PPP2R2C: variants seen among roughly 807,000 people sequenced by gnomAD.
PPP2R2C encodes protein phosphatase 2, regulatory subunit B, gamma.
A neutral mutation model predicts 45.3 loss-of-function variants in PPP2R2C; 10 were observed. The ratio of observed to expected loss-of-function variants is 0.22; its 90% CI spans 0.14 to 0.37. The LOEUF (loss-of-function observed/expected upper bound fraction) is 0.37, where lower values mean the gene tolerates loss of function less well. PPP2R2C is among the 10% of genes least tolerant of loss of function. The pLI, the probability that PPP2R2C is intolerant of heterozygous loss-of-function variation, is 1.00. For missense variants in PPP2R2C, 308 were observed against 619.7 expected (o/e 0.50, Z 5.34); for synonymous variants, 257 against 245.4 (o/e 1.05, Z -0.44).
intron 5 of PPP2R2C, among the ~76,000 whole-genome samples, chr4:6,359,624 T>TA (rs34585147): frequency 0.61 from 88,027 of 143,940 alleles, 27,257 homozygotes; most frequent in South Asian, 0.72. Context: ...ATTTCACCTG[T>TA]AAAAAAAAAA....
At position 6,391,597 on chromosome 4, in the gene PPP2R2C, C is replaced by T. The variant is rs187255606; in HGVS notation, c.71-10503G>A. ...CCATGGAAAAAGGATTCCATGATCC[C>T]GGCCTCCACCCCAAGAGCACCAGGT... On this transcript the variant is annotated intron_variant, in intron 1 of 8. Coordinates refer to ENST00000382599, the MANE Select transcript of PPP2R2C (RefSeq NM_020416.4). 5.9e-5 allele frequency among the ~76,000 whole-genome samples: 9 copies of T among 152,350 alleles called. No individual in the cohort carries two copies. The East Asian group carries it at 1.2e-3, about 20-fold the overall frequency.
intron 1 of PPP2R2C, among the ~76,000 whole-genome samples, chr4:6,560,401 G>A (rs1725537193): frequency 6.6e-6 from 1 of 152,244 alleles, no homozygotes; most frequent in Admixed American, 6.5e-5. Flanking sequence ...TTGAGAGGTG[G>A]TGGGGTAGAG....
chr4:6,406,546 A>G (rs1021838320), intron 1 of PPP2R2C, among the ~76,000 whole-genome samples: 1 of 152,078 alleles, frequency 6.6e-6, no homozygotes, highest in African/African-American at 2.4e-5. Flanking sequence ...CCTGGGCAAC[A>G]TTTTATCTAA....
At chr4:6,525,505 A>AG (rs901531138) in intron 2 of PPP2R2C, among the ~76,000 whole-genome samples, 4 of 151,850 alleles carry the variant, frequency 2.6e-5, no homozygotes, top group Non-Finnish European at 5.9e-5. Flanking sequence ...AAACCTTAAA[A>AG]AAAAACCTGA....
chr4:6,415,296 C>CG (rs2109379049), intron 1 of PPP2R2C, among the ~76,000 whole-genome samples: 1 of 152,364 alleles, frequency 6.6e-6, no homozygotes, highest in East Asian at 1.9e-4. Flanking sequence ...GTCAGACCAC[C>CG]GGCCGTTTCA....
intron 2 of PPP2R2C, among the ~76,000 whole-genome samples, chr4:6,518,144 C>G (rs1321419893): frequency 6.6e-6 from 1 of 152,068 alleles, no homozygotes; most frequent in Non-Finnish European, 1.5e-5. Context: ...TTATGAGAGG[C>G]AGCAAAAGCT....
intron 2 of PPP2R2C, among the ~76,000 whole-genome samples, chr4:6,488,143 C>T (rs1027109270): frequency 6.6e-6 from 1 of 152,192 alleles, no homozygotes; most frequent in Non-Finnish European, 1.5e-5. Context: ...ACATACAGAA[C>T]ATGATTATAA....
chr4:6,531,713 G>A (rs1037803391), intron 2 of PPP2R2C, among the ~76,000 whole-genome samples: 2 of 152,056 alleles, frequency 1.3e-5, no homozygotes, highest in African/African-American at 4.8e-5. Context: ...TTATTAGGGG[G>A]CGAAGTTACT....
In PPP2R2C at chr4:6,330,770, C is replaced by G. The variant is rs564912440; in HGVS notation, c.961-1417G>C. ...GACTACACAGGAAAACAGAGTGGCA[C>G]TAGGGGAAGCAGGATTGGGAGGAAG... On this transcript the variant is annotated intron_variant, in intron 7 of 8. Coordinates refer to ENST00000382599, the MANE Select transcript of PPP2R2C (RefSeq NM_020416.4). The surrounding 1 kb of genome is among the most constrained non-coding windows in gnomAD (Gnocchi z 7.0). 7.2e-5 allele frequency among the ~76,000 whole-genome samples: 11 copies of G among 152,272 alleles called. No homozygotes were observed. The highest frequency in any genetic ancestry group is 5.9e-4 in the Admixed American group (9 of 15,300).
intron 1 of PPP2R2C, among the ~76,000 whole-genome samples, chr4:6,551,317 TGG>T (rs1725178306): frequency 6.6e-6 from 1 of 152,182 alleles, no homozygotes; most frequent in South Asian, 2.1e-4. Flanking sequence ...CAGCCTGCAG[TGG>T]GTGCTCAGGT....
At chr4:6,461,019 CCT>C (rs1328106375) in intron 1 of PPP2R2C, among the ~76,000 whole-genome samples, 1 of 152,130 alleles carries the variant, frequency 6.6e-6, no homozygotes, top group Non-Finnish European at 1.5e-5. Flanking sequence ...CACAGGATGC[CCT>C]CTCCCAAGAC....
intron 1 of PPP2R2C, among the ~76,000 whole-genome samples, chr4:6,451,287 C>T (rs1325405788): frequency 3.3e-5 from 5 of 152,210 alleles, no homozygotes; most frequent in South Asian, 2.1e-4. Context: ...AGCCACTGTG[C>T]GACCCTGCCA....
At chr4:6,479,327 C>T (rs1192023534) in intron 2 of PPP2R2C, among the ~76,000 whole-genome samples, 1 of 152,188 alleles carries the variant, frequency 6.6e-6, no homozygotes, top group Admixed American at 6.5e-5. Context: ...TTGGCTTGTT[C>T]GACCACTTTG....
chr4:6,482,213 G>A (rs895801885), intron 2 of PPP2R2C, among the ~76,000 whole-genome samples: 65 of 152,102 alleles, frequency 4.3e-4, no homozygotes, highest in African/African-American at 1.5e-3. Context: ...AAGTTAATAT[G>A]TGCCAGCTAC....
In PPP2R2C at chr4:6,382,236, C is replaced by T. The variant is rs542610655; in HGVS notation, c.71-1142G>A. ...CAAGCAGCAAAAGCTAGTAGGAGCC[C>T]GGGATGGCCCGCTGCTGTGAATGGG... On this transcript the variant is annotated intron_variant, in intron 1 of 8. Coordinates refer to ENST00000382599, the MANE Select transcript of PPP2R2C (RefSeq NM_020416.4). 153 of 1,211,054 alleles carry T rather than the reference C, an allele frequency of 1.3e-4. No individual in the cohort carries two copies. The African/African-American group carries it at 1.4e-3, about 11-fold the overall frequency. The allele number at this position is 1,211,054 out of a possible 1,614,324, so 75.0% of individuals were successfully genotyped here.
chr4:6,401,353 T>C (rs760667749), intron 1 of PPP2R2C, among the ~76,000 whole-genome samples: 1 of 152,172 alleles, frequency 6.6e-6, no homozygotes, highest in Non-Finnish European at 1.5e-5. Flanking sequence ...GAACCGTCTT[T>C]GGACTGCCTC....
intron 1 of PPP2R2C, among the ~76,000 whole-genome samples, chr4:6,561,646 TACAG>T (rs1337681888): frequency 1.3e-5 from 2 of 150,094 alleles, no homozygotes; most frequent in Non-Finnish European, 2.9e-5. Context: ...GACACACCTA[TACAG>T]ACATAGAGCT....
chr4:6,349,309 T>C, intron 5 of PPP2R2C: 1 of 984,744 alleles, frequency 1.0e-6, no homozygotes, highest in Non-Finnish European at 1.2e-6. Context: ...TGTCACCTCC[T>C]GGCTGTGTGA....
chr4:6,366,183 T>C (rs1334723512), intron 5 of PPP2R2C, among the ~76,000 whole-genome samples: 1 of 152,168 alleles, frequency 6.6e-6, no homozygotes. Context: ...ATGTGAAAGA[T>C]TTCTTTATTC....
Sources: gnomAD v4.1 joint callset for allele counts (sites outside exome capture counted in the v4.1 genomes callset) on GRCh38, gnomAD v4.1.1 for gene constraint, Gnocchi (gnomAD v3.1) non-coding constraint, MANE v1.5 for transcripts, NCBI Gene and HGNC (gene_info 2026-07-23, HGNC 2026-07-21) for gene names.